Variants in WDFY3 observed in about 807,000 individuals in gnomAD.
The protein encoded by WDFY3 is WD repeat and FYVE domain containing 3, also known as WD repeat and FYVE domain-containing protein 3.
Under a neutral mutation model 409.6 loss-of-function variants are expected in WDFY3, and 66 were observed. The observed-to-expected ratio is 0.16, with a 90% CI of 0.13 to 0.20. The LOEUF is 0.20. WDFY3 is among the 10% of genes least tolerant of loss of function. WDFY3 has a pLI of 1.00. For missense variants in WDFY3, 3,031 were observed against 4,298.1 expected (o/e 0.71, Z 8.24); for synonymous variants, 1,521 against 1,537.1 (o/e 0.99, Z 0.25).
intron 53 of WDFY3, among the ~76,000 whole-genome samples, chr4:84,706,330 T>C (rs539383313): frequency 6.6e-6 from 1 of 152,308 alleles, no homozygotes; most frequent in South Asian, 2.1e-4. Flanking sequence ...AGCATATTTG[T>C]TATCTCAAAG....
chr4:84,789,845 A>T lies in WDFY3; in HGVS notation c.3550T>A (p.Cys1184Ser). The change falls in exon 22 of 68, where the codon TGT becomes AGT. Residue 1184 changes from cysteine (C) to serine (S), a missense_variant. Cys to Ser is a moderately radical substitution (Grantham distance 112). Around this residue, in one of 16 missense-constraint regions of WDFY3, gnomAD observed 1,322 missense variants for 1,697.9 expected, o/e 0.78. Transcript: ENST00000295888. ...TGTCCCTCAATGATAAGCTCTCCAC[A>T]TCGAAAGCGAGCACAGCATGGGAGA... The part of the protein sequence containing the change: ...EILPCCARFR[C>S]GELIIEGQWH... The T allele has an allele frequency of 6.2e-7, 1 of 1,614,140 alleles. No individual in the cohort carries two copies. The highest frequency in any genetic ancestry group is 8.5e-7 in the Non-Finnish European group (1 of 1,180,028).
At chr4:84,917,154 C>T (rs1026348817) in intron 2 of WDFY3, among the ~76,000 whole-genome samples, 2 of 152,134 alleles carry the variant, frequency 1.3e-5, no homozygotes, top group African/African-American at 2.4e-5. Flanking sequence ...TGAATTATTT[C>T]ACTCCTTTGT....
chr4:84,684,334 T>C (rs1727934548), intron 62 of WDFY3, among the ~76,000 whole-genome samples: 1 of 151,968 alleles, frequency 6.6e-6, no homozygotes, highest in South Asian at 2.1e-4. Flanking sequence ...CACAGTTGAG[T>C]GGATGCAGTG....
At chr4:84,713,095 G>C (rs1180204443) in intron 51 of WDFY3, 64 bp downstream of exon 51, 1 of 1,540,878 alleles carries the variant, frequency 6.5e-7, no homozygotes, top group African/African-American at 1.4e-5. Context: ...AAATAATACT[G>C]TCCAGATATG....
intron 1 of WDFY3, among the ~76,000 whole-genome samples, chr4:84,952,438 T>C (rs1053400718): frequency 3.3e-5 from 5 of 152,214 alleles, no homozygotes; most frequent in African/African-American, 1.2e-4. Context: ...TGCTTCAGGT[T>C]TGACCAGGTA....
At chr4:84,844,560 A>C (rs1429940683) in intron 5 of WDFY3, 4 of 1,270,638 alleles carry the variant, frequency 3.1e-6, no homozygotes, top group Non-Finnish European at 4.1e-6. Flanking sequence ...ACTAAATTCC[A>C]CTAATCCCAC....
At chr4:84,762,379 T>C (rs1742795515) in intron 32 of WDFY3, among the ~76,000 whole-genome samples, 2 of 148,626 alleles carry the variant, frequency 1.3e-5, no homozygotes, top group African/African-American at 5.0e-5. Flanking sequence ...AACCAAACAC[T>C]GCATATTCTC....
intron 25 of WDFY3, among the ~76,000 whole-genome samples, chr4:84,782,260 T>C (rs902013864): frequency 6.6e-6 from 1 of 152,230 alleles, no homozygotes; most frequent in Admixed American, 6.5e-5. Flanking sequence ...CAATCAATAA[T>C]AGTTCTGAAT....
chr4:84,718,311 A>T, intron 48 of WDFY3, 111 bp downstream of exon 48: 1 of 1,138,474 alleles, frequency 8.8e-7, no homozygotes, highest in Non-Finnish European at 1.2e-6. Context: ...ACACAAACCG[A>T]GAGATAACAT....
rs1344426971 is a variant in WDFY3, at chr4:84,796,585, T to C, written c.3103A>G (p.Arg1035Gly). ...GGAGTAACTGATGACCCATGAAGTC[T>C]GATGTCATGTGGGGTTGTCATGGAG... is the stretch of plus-strand genomic sequence containing the variant. ...LVSMTTPHDIRLHGSSVTPAF... is the reference protein window; with the variant it reads ...LVSMTTPHDIGLHGSSVTPAF... Residue 1035 changes from arginine (R) to glycine (G), a missense_variant, in exon 19 of 68, where the codon AGA (arginine) becomes GGA (glycine). By Grantham distance (125) the Arg-to-Gly change is moderately radical. Around this residue, in one of 16 missense-constraint regions of WDFY3, gnomAD observed 1,322 missense variants for 1,697.9 expected, o/e 0.78. Transcript: ENST00000295888. 1 of 1,613,904 alleles carries C rather than the reference T, an allele frequency of 6.2e-7. No individual in the cohort carries two copies.
chr4:84,835,877 G>A (rs959979279), intron 7 of WDFY3, among the ~76,000 whole-genome samples: 30 of 151,958 alleles, frequency 2.0e-4, no homozygotes, highest in African/African-American at 6.5e-4. Flanking sequence ...GCTGAAAATC[G>A]TACCTTTACA....
At position 84,676,506 on chromosome 4, in the gene WDFY3, T is replaced by C. The variant is rs180846614; in HGVS notation, c.10457+693A>G. ...ATAAGTCTGTGTTCTATCAATTTCA[T>C]TCCATCTCTAGAGGAATTCTAGCTT... On this transcript the variant is annotated intron_variant, in intron 67 of 67. Coordinates refer to ENST00000295888, the MANE Select transcript of WDFY3 (RefSeq NM_014991.6). Among the ~76,000 whole-genome samples, 70 of 152,226 alleles carry C rather than the reference T, an allele frequency of 4.6e-4. 1 individual carries two copies. The highest frequency in any genetic ancestry group is 1.6e-3 in the African/African-American group (65 of 41,546).
chr4:84,688,154 G>C lies in WDFY3; in HGVS notation c.9475C>G (p.Leu3159Val), dbSNP rs939619304. 2.5e-6 allele frequency: 4 copies of C among 1,614,082 alleles called. No individual in the cohort carries two copies. The African/African-American group carries it at 5.3e-5, about 22-fold the overall frequency. ...RTCIIWDLNKLSFLTQLRGHR... is the reference protein window; with the variant it reads ...RTCIIWDLNKVSFLTQLRGHR... ...CCTCGAAGCTGGGTTAGAAATGACA[G>C]TTTGTTCAAATCCCAAATGATACAG... The change falls in exon 62 of 68, where the codon CTG (leucine) becomes GTG (valine). Residue 3159 changes from leucine (L) to valine (V), a missense_variant. Physicochemically the swap from Leu to Val is conservative, Grantham distance 32. This residue lies in a region of WDFY3 where 378 missense variants were observed against 477.3 expected (regional missense o/e 0.79). Coordinates refer to ENST00000295888, the MANE Select transcript of WDFY3 (RefSeq NM_014991.6).
rs201994117 is a variant in WDFY3 at position 84,763,610 on chromosome 4, T to TA, written c.5188+2199dup. Among the ~76,000 whole-genome samples, 641 of 131,092 alleles carry TA rather than the reference T, an allele frequency of 4.9e-3. 6 individuals are homozygous for TA. Among genetic ancestry groups the TA allele is most frequent in the Non-Finnish European group, 3.3e-3 (197 of 59,686 alleles). The allele number at this position is 131,092 out of a possible 152,430, so 86.0% of individuals were successfully genotyped here. A position where few individuals can be genotyped will look rare whatever the true frequency, so the allele number is the denominator to read the frequency against. On this transcript the variant is annotated intron_variant, in intron 32 of 67. Coordinates refer to ENST00000295888, the MANE Select transcript of WDFY3 (RefSeq NM_014991.6). ...AAACCAATAAATGTGAATAAAAAAGTAAAAAAAAAAAAGGTTGCCATTCCG... is the reference window on the plus strand; with the variant it reads ...AAACCAATAAATGTGAATAAAAAAGTAAAAAAAAAAAAAGGTTGCCATTCCG...
chr4:84,858,957 A>C (rs1032571402), intron 4 of WDFY3, among the ~76,000 whole-genome samples: 1 of 151,934 alleles, frequency 6.6e-6, no homozygotes, highest in Admixed American at 6.6e-5. Context: ...AGAGAAAGAG[A>C]GATGAAAGGC....
At chr4:84,755,979 A>C (rs1371662104) in intron 33 of WDFY3, among the ~76,000 whole-genome samples, 2 of 152,228 alleles carry the variant, frequency 1.3e-5, no homozygotes, top group African/African-American at 4.8e-5. Context: ...AAGTGTTTAC[A>C]CTTAAAAGAT....
intron 50 of WDFY3, among the ~76,000 whole-genome samples, 196 bp from the exon 51 acceptor site, chr4:84,713,435 T>C (rs770867218): frequency 1.4e-4 from 21 of 152,110 alleles, no homozygotes; most frequent in Non-Finnish European, 2.5e-4. Flanking sequence ...CTGAAAACAA[T>C]AGCACCTTTA....
intron 3 of WDFY3, among the ~76,000 whole-genome samples, chr4:84,877,094 A>G (rs954837699): frequency 3.3e-5 from 5 of 152,218 alleles, no homozygotes; most frequent in Admixed American, 6.5e-5. Context: ...ATTGATTCTC[A>G]TAACTTTAAG....
chr4:84,864,174 C>T (rs1049161655), intron 3 of WDFY3, among the ~76,000 whole-genome samples: 5 of 152,066 alleles, frequency 3.3e-5, no homozygotes, highest in Middle Eastern at 3.4e-3. Context: ...CAAGATGAAC[C>T]TGGCTAACAT....
Sources: allele counts gnomAD v4.1 joint callset (sites outside exome capture counted in the v4.1 genomes callset), GRCh38; gene constraint gnomAD v4.1.1; regional missense constraint gnomAD v4.1.1; transcripts MANE v1.5; gene names NCBI Gene and HGNC (gene_info 2026-07-23, HGNC 2026-07-21).